EYS: variants seen among roughly 807,000 people sequenced by gnomAD.
EYS encodes EGF-like photoreceptor maintenance factor.
In EYS, 250 loss-of-function variants were observed where a neutral mutation model predicts 282.1. That is an observed-to-expected ratio of 0.89 (90% confidence interval 0.80 to 0.98). EYS has a LOEUF of 0.98. Ranked by LOEUF, EYS falls within the 50% of genes least tolerant of loss-of-function variation. EYS has a pLI of 0.00. For missense variants in EYS, 4,016 were observed against 3,709.0 expected, an observed-to-expected ratio of 1.08 and a Z score of -2.15; for synonymous variants, 1,355 against 1,282.9, an observed-to-expected ratio of 1.06 and a Z score of -1.20.
At position 65,257,920 on chromosome 6, in the gene EYS, A is replaced by G. The variant is rs1031366966; in HGVS notation, c.2023+37943T>C. Reference sequence around the variant, plus strand: ...AATATAGTTAAAATGAAAAAGATCTAGTATTGATAGCATGATCAGGTGACT... The same window carrying G: ...AATATAGTTAAAATGAAAAAGATCTGGTATTGATAGCATGATCAGGTGACT... On this transcript the variant is annotated intron_variant, in intron 12 of 42. Coordinates refer to ENST00000503581, the MANE Select transcript of EYS (RefSeq NM_001142800.2). Among the ~76,000 whole-genome samples, 3 of 152,132 alleles carry G rather than the reference A, an allele frequency of 2.0e-5. No individual in the cohort carries two copies. The East Asian group carries it at 5.8e-4, about 29-fold the overall frequency.
In EYS at chr6:64,467,350, T is replaced by A. The variant is rs1293285992; in HGVS notation, c.5645-27998A>T. Among the ~76,000 whole-genome samples the A allele has an allele frequency of 2.6e-5, 4 of 152,314 alleles. No homozygotes were observed. In the South Asian group the frequency reaches 8.3e-4, roughly 32 times the overall value. ...GTAGGGCTAGAAATAGGTGATAGCA[T>A]TTGAAAAACTGATTTGACATAATTA... is the stretch of plus-strand genomic sequence containing the variant. On this transcript the variant is annotated intron_variant, in intron 26 of 42. Transcript: ENST00000503581.
At chr6:64,746,301 G>T (rs1234584008) in intron 22 of EYS, among the ~76,000 whole-genome samples, 1 of 151,820 alleles carries the variant, frequency 6.6e-6, no homozygotes, top group African/African-American at 2.4e-5. Flanking sequence ...ATTATCTCAA[G>T]AATGAGTTCC....
chr6:63,789,004 G>A, intron 38 of EYS, 54 bp downstream of exon 38: 1 of 1,517,062 alleles, frequency 6.6e-7, no homozygotes, highest in Non-Finnish European at 8.9e-7. Flanking sequence ...GCACAGATCT[G>A]ACAATATACT....
intron 32 of EYS, among the ~76,000 whole-genome samples, chr6:64,068,921 C>T (rs1771474008): frequency 6.6e-6 from 1 of 151,656 alleles, no homozygotes; most frequent in African/African-American, 2.4e-5. Context: ...AGAGATTATC[C>T]TATATTATCT....
At chr6:65,571,182 T>C (rs959534698) in intron 2 of EYS, among the ~76,000 whole-genome samples, 5 of 152,058 alleles carry the variant, frequency 3.3e-5, no homozygotes, top group Non-Finnish European at 5.9e-5. Context: ...ATCTCATACA[T>C]ACATGGGAGA....
chr6:65,605,526 T>A (rs902503721), intron 2 of EYS, among the ~76,000 whole-genome samples: 1 of 151,938 alleles, frequency 6.6e-6, no homozygotes, highest in Non-Finnish European at 1.5e-5. Context: ...ACATTACCTT[T>A]GATTCAGCAA....
At chr6:65,042,198 CT>C (rs561227972) in intron 13 of EYS, among the ~76,000 whole-genome samples, 210 of 151,366 alleles carry the variant, frequency 1.4e-3, no homozygotes, top group Non-Finnish European at 2.7e-3. Flanking sequence ...ATTTTTATGC[CT>C]TTTTTTGAAC....
chr6:65,189,759 C>T (rs1250722330), intron 12 of EYS, among the ~76,000 whole-genome samples: 5 of 151,640 alleles, frequency 3.3e-5, no homozygotes, highest in South Asian at 4.2e-4. Flanking sequence ...CCCTAAGTGT[C>T]GAGTAGCCTC....
chr6:64,695,112 C>A (rs889624221), intron 22 of EYS, among the ~76,000 whole-genome samples: 1 of 152,056 alleles, frequency 6.6e-6, no homozygotes, highest in Admixed American at 6.5e-5. Flanking sequence ...CACTTGTCCC[C>A]ACTATTGGCC....
At chr6:64,308,848 ACAAGT>A (rs1291812538) in intron 29 of EYS, among the ~76,000 whole-genome samples, 3 of 152,140 alleles carry the variant, frequency 2.0e-5, no homozygotes, top group Non-Finnish European at 4.4e-5. Flanking sequence ...AAGTTTACAA[ACAAGT>A]CAAGTAGATT....
chr6:65,094,285 C>G (rs1302345674), intron 12 of EYS, among the ~76,000 whole-genome samples: 1 of 137,040 alleles, frequency 7.3e-6, no homozygotes, highest in Non-Finnish European at 1.6e-5. Context: ...GATTTTAATA[C>G]TCCACTTCAA....
At chr6:65,393,915 G>A (rs754456710) in intron 7 of EYS, among the ~76,000 whole-genome samples, 1 of 151,996 alleles carries the variant, frequency 6.6e-6, no homozygotes, top group Non-Finnish European at 1.5e-5. Flanking sequence ...AATTTTGGAG[G>A]AGAAAATAAA....
At chr6:64,748,825 T>C (rs1042094700) in intron 22 of EYS, among the ~76,000 whole-genome samples, 10 of 152,218 alleles carry the variant, frequency 6.6e-5, no homozygotes, top group Non-Finnish European at 1.3e-4. Context: ...CAGGCTGGAG[T>C]GCAGTGGCAT....
chr6:63,851,129 C>T (rs1307151429), intron 36 of EYS, among the ~76,000 whole-genome samples: 1 of 152,146 alleles, frequency 6.6e-6, no homozygotes, highest in Non-Finnish European at 1.5e-5. Context: ...GCTAACTATT[C>T]TAAATATATA....
chr6:63,782,091 G>A (rs1770243622), intron 39 of EYS, among the ~76,000 whole-genome samples: 1 of 152,162 alleles, frequency 6.6e-6, no homozygotes, highest in South Asian at 2.1e-4. Context: ...TGCATCCCAG[G>A]GATGAAGCCA....
At chr6:63,998,581 G>A (rs958060658) in intron 34 of EYS, among the ~76,000 whole-genome samples, 1 of 152,032 alleles carries the variant, frequency 6.6e-6, no homozygotes, top group Non-Finnish European at 1.5e-5. Flanking sequence ...AAAGAATTCA[G>A]CAAATTGCCT....
At chr6:65,172,741 C>A (rs1765134552) in intron 12 of EYS, among the ~76,000 whole-genome samples, 1 of 151,212 alleles carries the variant, frequency 6.6e-6, no homozygotes, top group Admixed American at 6.6e-5. Flanking sequence ...AATGAGAGAA[C>A]ACTTTGATAA....
At chr6:64,846,162 A>C (rs768799305) in intron 19 of EYS, among the ~76,000 whole-genome samples, 8 of 152,204 alleles carry the variant, frequency 5.3e-5, no homozygotes, top group Non-Finnish European at 1.0e-4. Flanking sequence ...CTGGAAAAGT[A>C]AGTCAAAACT....
chr6:65,624,778 A>G (rs1766638867), intron 2 of EYS, among the ~76,000 whole-genome samples: 1 of 152,086 alleles, frequency 6.6e-6, no homozygotes, highest in African/African-American at 2.4e-5. Context: ...GACCTTTTGG[A>G]CTTACACTAC....
Sources: allele counts gnomAD v4.1 joint callset (sites outside exome capture counted in the v4.1 genomes callset), GRCh38; gene constraint gnomAD v4.1.1; transcripts MANE v1.5; gene names NCBI Gene and HGNC (gene_info 2026-07-23, HGNC 2026-07-21).